The following NKD2 variants were observed in gnomAD, a reference collection of about 807,000 sequenced individuals.
NKD2 encodes the protein protein naked cuticle homolog 2.
A neutral mutation model predicts 34.8 loss-of-function variants in NKD2; 43 were observed. The ratio of observed to expected loss-of-function variants is 1.24; its 90% CI spans 0.97 to 1.60. NKD2 has a LOEUF of 1.60. NKD2 is among the 40% of genes most tolerant of loss of function. The pLI is 0.00. For synonymous variants in NKD2, 278 were observed against 265.1 expected, an observed-to-expected ratio of 1.05 and a Z score of -0.47; for missense variants, 675 against 627.1, an observed-to-expected ratio of 1.08 and a Z score of -0.82.
chr5:1,038,484 C>CACCCCCT lies in NKD2; in HGVS notation c.*114_*115insCCCTACC. The stretch of plus-strand genomic sequence containing the variant: ...CATGGGGAGCCCAGCCCCCACCCCC[C>CACCCCCT]ACCTCCGACAGCAAACAGCAACTGA... On this transcript the variant is annotated 3_prime_UTR_variant, in exon 10 of 10. Transcript: ENST00000296849. This position sits in a 1 kb window ranked among gnomAD's most constrained non-coding sequence, Gnocchi z 4.5. 1 of 1,531,316 alleles carries CACCCCCT rather than the reference C, an allele frequency of 6.5e-7. No individual in the cohort carries two copies. The highest frequency in any genetic ancestry group is 1.4e-5 in the African/African-American group (1 of 72,840). The allele number at this position is 1,531,316 out of a possible 1,614,324, so 94.9% of individuals were successfully genotyped here. A position where few individuals can be genotyped will look rare whatever the true frequency, so the allele number is the denominator to read the frequency against.
In NKD2 at chr5:1,038,551, G is replaced by A. The variant is rs61744596; in HGVS notation, c.*178G>A. 0.019 allele frequency: 24,722 copies of A among 1,332,322 alleles called. 1,169 individuals are homozygous for A. Among genetic ancestry groups the A allele is most frequent in the African/African-American group, 0.13 (8,973 of 68,394 alleles). 82.5% of individuals were successfully genotyped at this position (1,332,322 alleles called of 1,614,324 possible). On this transcript the variant is annotated 3_prime_UTR_variant, in exon 10 of 10. Transcript: ENST00000296849. The surrounding 1 kb of genome is among the most constrained non-coding windows in gnomAD (Gnocchi z 4.5). Reference sequence around the variant, plus strand: ...GATGGAGGTGGTGCACCTTGGACACGTGGACAAGGCCCAGGCGCCCTCTGC... The same window carrying A: ...GATGGAGGTGGTGCACCTTGGACACATGGACAAGGCCCAGGCGCCCTCTGC...
chr5:1,032,656 CCTGTGGGT>C (rs1427265292), intron 4 of NKD2, among the ~76,000 whole-genome samples: 1 of 152,214 alleles, frequency 6.6e-6, no homozygotes, highest in Non-Finnish European at 1.5e-5. Context: ...ACTTGGCTTA[CCTGTGGGT>C]CTGTGGGAGG....
rs371018012 is a variant in NKD2, at chr5:1,033,195, G to C, written c.203-177G>C. On this transcript the variant is annotated intron_variant, in intron 4 of 9. Transcript: ENST00000296849. The stretch of plus-strand genomic sequence containing the variant: ...TGAGAGGAGGGCACACCCGGCTGTG[G>C]CTGGCCGGGATAGGGCCTCCCTCCC... Among the ~76,000 whole-genome samples, 12 of 152,290 alleles carry C rather than the reference G, an allele frequency of 7.9e-5. 2 individuals carry two copies. The highest frequency in any genetic ancestry group is 6.8e-3 in the Middle Eastern group (2 of 294).
At position 1,038,850 on chromosome 5, in the gene NKD2, G is replaced by A. The variant is rs903468954; in HGVS notation, c.*477G>A. 2.4e-5 allele frequency: 7 copies of A among 297,242 alleles called. No individual in the cohort carries two copies. The highest frequency in any genetic ancestry group is 9.1e-5 in the Admixed American group (2 of 22,034). The allele number at this position is 297,242 out of a possible 1,614,324, so 18.4% of individuals were successfully genotyped here. On this transcript the variant is annotated 3_prime_UTR_variant, in exon 10 of 10. Coordinates refer to ENST00000296849, the MANE Select transcript of NKD2 (RefSeq NM_033120.4). The surrounding 1 kb of genome is among the most constrained non-coding windows in gnomAD (Gnocchi z 4.5). ...CATGAAGTGAGAGGGGACAGGGCCG[G>A]TGGGGGGAAGCAGCTTGTGCTTAGC...
intron 3 of NKD2, among the ~76,000 whole-genome samples, chr5:1,017,891 TGAGA>T (rs1206148660): frequency 2.0e-5 from 3 of 148,236 alleles, no homozygotes; most frequent in Admixed American, 6.7e-5. Context: ...TGCTGGGGTG[TGAGA>T]GAGGCCGAGC....
At chr5:1,014,760 C>T (rs775333680) in intron 3 of NKD2, among the ~76,000 whole-genome samples, 8 of 152,196 alleles carry the variant, frequency 5.3e-5, no homozygotes, top group South Asian at 2.1e-4. Flanking sequence ...CCTCCACCCC[C>T]GCTTTGCGGC....
rs1755675262 is a variant in NKD2, at chr5:1,009,695, C to G, written c.141+135C>G. ...CCATGGCCGCACGAGTGACCGGGGG[C>G]CAGGAGAGCCAGTCTCTCCCCAGCC... On this transcript the variant is annotated intron_variant, in intron 3 of 9. Coordinates refer to ENST00000296849, the MANE Select transcript of NKD2 (RefSeq NM_033120.4). This position sits in a 1 kb window ranked among gnomAD's most constrained non-coding sequence, Gnocchi z 6.9. 5 of 656,720 alleles carry G rather than the reference C, an allele frequency of 7.6e-6. No individual in the cohort carries two copies. In the Admixed American group the frequency reaches 1.7e-4, roughly 23 times the overall value. The allele number at this position is 656,720 out of a possible 1,614,324, so 40.7% of individuals were successfully genotyped here.
At position 1,032,231 on chromosome 5, in the gene NKD2, GCCCT is replaced by G; in HGVS notation, c.202+27_202+30del. On this transcript the variant is annotated intron_variant, in intron 4 of 9. Coordinates refer to ENST00000296849, the MANE Select transcript of NKD2 (RefSeq NM_033120.4). Reference sequence around the variant, plus strand: ...CTACAGGGTGAGTGCAGCTCCCGCAGCCCTCCCTCCCCAAACTCACAGACTTCAT... The same window carrying G: ...CTACAGGGTGAGTGCAGCTCCCGCAGCCCTCCCCAAACTCACAGACTTCAT... The G allele has an allele frequency of 6.3e-7, 1 of 1,596,384 alleles. No homozygotes were observed. Among genetic ancestry groups the G allele is most frequent in the Non-Finnish European group, 8.6e-7 (1 of 1,167,062 alleles).
intron 3 of NKD2, among the ~76,000 whole-genome samples, chr5:1,024,427 C>T (rs867834608): frequency 3.6e-3 from 21 of 5,850 alleles, no homozygotes; most frequent in African/African-American, 4.1e-3. Flanking sequence ...CTCTTCCCAC[C>T]CTCTGTGGGC....
In NKD2 at chr5:1,021,916, C is replaced by A. The variant is rs373777440; in HGVS notation, c.142-10236C>A. The stretch of plus-strand genomic sequence containing the variant: ...CACTGCTCCCCACCAGGCCCCAGGC[C>A]CTCTGCCTGCTGCTCCGGGCCCCTC... On this transcript the variant is annotated intron_variant, in intron 3 of 9. Coordinates refer to ENST00000296849, the MANE Select transcript of NKD2 (RefSeq NM_033120.4). 2.3e-4 allele frequency among the ~76,000 whole-genome samples: 35 copies of A among 152,268 alleles called. No homozygotes were observed. In the East Asian group the frequency reaches 5.8e-3, roughly 25 times the overall value.
At chr5:1,013,821 G>T (rs1755847960) in intron 3 of NKD2, among the ~76,000 whole-genome samples, 1 of 152,192 alleles carries the variant, frequency 6.6e-6, no homozygotes, top group Non-Finnish European at 1.5e-5. Context: ...GCCCGCTCGG[G>T]TCACTGTACC....
intron 7 of NKD2, 87 bp downstream of exon 7, chr5:1,034,990 G>A: frequency 3.1e-6 from 4 of 1,273,214 alleles, no homozygotes; most frequent in Non-Finnish European, 4.3e-6. Flanking sequence ...AGGGACAAGT[G>A]AGTGGATGGA....
In NKD2 at chr5:1,038,531, A is replaced by AG; in HGVS notation, c.*160dup. 2.1e-6 allele frequency: 3 copies of AG among 1,455,190 alleles called. No individual in the cohort carries two copies. Among genetic ancestry groups the AG allele is most frequent in the Non-Finnish European group, 2.8e-6 (3 of 1,074,888 alleles). The allele number at this position is 1,455,190 out of a possible 1,614,324, so 90.1% of individuals were successfully genotyped here. ...CTGACTGCAGGTGCTGGCATGATGG[A>AG]GGTGGTGCACCTTGGACACGTGGAC... On this transcript the variant is annotated 3_prime_UTR_variant, in exon 10 of 10. Coordinates refer to ENST00000296849, the MANE Select transcript of NKD2 (RefSeq NM_033120.4). This position sits in a 1 kb window ranked among gnomAD's most constrained non-coding sequence, Gnocchi z 4.5.
intron 9 of NKD2, chr5:1,036,968 T>C (rs1296379721): frequency 5.8e-6 from 2 of 346,088 alleles, no homozygotes; most frequent in South Asian, 2.4e-5. Flanking sequence ...CGGCGGGCAG[T>C]GTGGACAGCG....
At position 1,033,390 on chromosome 5, in the gene NKD2, A is replaced by G. The variant is rs756983802; in HGVS notation, c.221A>G (p.Lys74Arg). ...CCCCTAGTGGCACTCCCCGCTGAGA[A>G]AGCTGAGGGCCGCGAGCACCCGGGA... is the stretch of plus-strand genomic sequence containing the variant. Reference protein sequence around the residue: ...CPLQVALPAEKAEGREHPGQL... With the variant: ...CPLQVALPAERAEGREHPGQL... Residue 74 changes from lysine (K) to arginine (R), a missense_variant, in exon 5 of 10, where the codon AAA becomes AGA. Physicochemically the swap from Lys to Arg is conservative, Grantham distance 26. Coordinates refer to ENST00000296849, the MANE Select transcript of NKD2 (RefSeq NM_033120.4). The G allele has an allele frequency of 5.6e-6, 9 of 1,600,094 alleles. No individual in the cohort carries two copies. The highest frequency in any genetic ancestry group is 5.1e-5 in the Admixed American group (3 of 59,024).
intron 3 of NKD2, among the ~76,000 whole-genome samples, chr5:1,019,788 G>C (rs987299023): frequency 1.3e-5 from 2 of 152,056 alleles, no homozygotes; most frequent in Admixed American, 6.6e-5. Flanking sequence ...GTTCTTTCCA[G>C]CTTTGGAATT....
intron 3 of NKD2, among the ~76,000 whole-genome samples, chr5:1,031,503 C>T (rs190061630): frequency 1.3e-5 from 2 of 152,262 alleles, no homozygotes; most frequent in Non-Finnish European, 2.9e-5. Flanking sequence ...TGCTCCAGGG[C>T]GGTGTGTGCT....
intron 3 of NKD2, among the ~76,000 whole-genome samples, chr5:1,013,045 C>T (rs1165913572): frequency 6.6e-6 from 1 of 152,214 alleles, no homozygotes; most frequent in Non-Finnish European, 1.5e-5. Flanking sequence ...CAGTGTGGAC[C>T]ATACTCTGCT....
At chr5:1,032,315 G>A (rs976322603) in intron 4 of NKD2, 103 bp downstream of exon 4, 4 of 881,578 alleles carry the variant, frequency 4.5e-6, no homozygotes, top group East Asian at 2.6e-5. Context: ...TGTGCGGAGC[G>A]AGGGCACTTC....
Sources: gnomAD v4.1 joint callset for allele counts (sites outside exome capture counted in the v4.1 genomes callset) on GRCh38, gnomAD v4.1.1 for gene constraint, Gnocchi (gnomAD v3.1) non-coding constraint, MANE v1.5 for transcripts, NCBI Gene and HGNC (gene_info 2026-07-23, HGNC 2026-07-21) for gene names.